Variants in ARRDC2 observed in about 807,000 individuals in gnomAD.
The protein encoded by ARRDC2 is arrestin domain containing 2.
Under a neutral mutation model 38.9 loss-of-function variants are expected in ARRDC2, and 39 were observed. The observed-to-expected ratio is 1.00, with a 90% CI of 0.78 to 1.31. The LOEUF (loss-of-function observed/expected upper bound fraction) is 1.31. Ranked by LOEUF, ARRDC2 falls within the 50% of genes most tolerant of loss-of-function variation. ARRDC2 has a pLI of 0.00. For synonymous variants in ARRDC2, 300 were observed against 261.9 expected (o/e 1.15, Z -1.41); for missense variants, 553 against 588.4 (o/e 0.94, Z 0.62).
chr19:18,008,120 C>CCCCCCCCCCCCCCCCCCCCCAAAAAAAAA, upstream of ARRDC2: 1 of 572,700 alleles, frequency 1.7e-6, no homozygotes, highest in Non-Finnish European at 2.6e-6. Context: ...ACGGTGACCC[C>CCCCCCCCCCCCCCCCCCCCCAAAAAAAAA]ACCCCCCCCC....
upstream of ARRDC2, among the ~76,000 whole-genome samples, chr19:18,005,057 G>A (rs1170246562): frequency 6.6e-6 from 1 of 151,848 alleles, no homozygotes; most frequent in African/African-American, 2.4e-5. Flanking sequence ...GTTTCTTGCA[G>A]AGGGGGATTT....
Position 18,008,181 on chromosome 19 carries a change from C to A in ARRDC2, c.-130C>A, listed in dbSNP as rs1278303250. On this transcript the variant is annotated 5_prime_UTR_variant, in exon 1 of 8. Transcript: ENST00000222250. Reference sequence around the variant, plus strand: ...ACGCACGGCGCGGGGATTTTCTGCTCCGGTTGGTGAGCGCGCCTGCGCGTT... The same window carrying A: ...ACGCACGGCGCGGGGATTTTCTGCTACGGTTGGTGAGCGCGCCTGCGCGTT... The A allele has an allele frequency of 4.0e-6, 5 of 1,244,090 alleles. No homozygotes were observed. Among genetic ancestry groups the A allele is most frequent in the Admixed American group, 3.7e-5 (1 of 27,210 alleles). 77.1% of individuals were successfully genotyped at this position (1,244,090 alleles called of 1,614,324 possible).
At chr19:18,008,163 G>A, upstream of ARRDC2, 2 of 1,196,692 alleles carry the variant, frequency 1.7e-6, no homozygotes, top group East Asian at 7.7e-5. Context: ...CCGACGCACG[G>A]CGCGGGGATT....
chr19:18,011,949 TA>T (rs1180977965), intron 7 of ARRDC2, among the ~76,000 whole-genome samples: 647 of 53,742 alleles, frequency 0.012, 8 homozygotes, highest in African/African-American at 0.045. Flanking sequence ...TATATATATA[TA>T]TATTTTTTTT....
chr19:18,011,333 T>C (rs2033407931), intron 7 of ARRDC2, among the ~76,000 whole-genome samples: 1 of 151,996 alleles, frequency 6.6e-6, no homozygotes, highest in African/African-American at 2.4e-5. Context: ...GGTCTCACTG[T>C]GTTGCCCAGG....
At chr19:18,006,375 G>A (rs557490336), upstream of ARRDC2, among the ~76,000 whole-genome samples, 2 of 152,316 alleles carry the variant, frequency 1.3e-5, no homozygotes, top group East Asian at 1.9e-4. Flanking sequence ...CTGCAATCCC[G>A]GCACCTCGGG....
chr19:18,004,238 G>A (rs1405954238), upstream of ARRDC2, among the ~76,000 whole-genome samples: 8 of 144,398 alleles, frequency 5.5e-5, no homozygotes, highest in Admixed American at 6.8e-5. Flanking sequence ...AAAATTAGCC[G>A]GGCTAACTTT....
At chr19:18,010,843 C>G (rs984634343) in intron 7 of ARRDC2, 114 bp downstream of exon 7, 2 of 1,154,104 alleles carry the variant, frequency 1.7e-6, no homozygotes, top group African/African-American at 3.1e-5. Context: ...TAGACAGGGT[C>G]TTGCTCTGTC....
chr19:18,011,928 ATATGTG>A (rs1219108676), intron 7 of ARRDC2, among the ~76,000 whole-genome samples: 5 of 94,920 alleles, frequency 5.3e-5, no homozygotes, highest in African/African-American at 1.8e-4. Context: ...TTGTGTGTGT[ATATGTG>A]TATATATATA....
At chr19:18,003,434 CTTTTTGTT>C (rs1249150165), upstream of ARRDC2, among the ~76,000 whole-genome samples, 19 of 131,666 alleles carry the variant, frequency 1.4e-4, no homozygotes, top group African/African-American at 6.2e-4. Flanking sequence ...ACCCGGCTAA[CTTTTTGTT>C]TTGTTTTGTT....
intron 7 of ARRDC2, among the ~76,000 whole-genome samples, chr19:18,011,543 A>G (rs997810541): frequency 5.9e-5 from 9 of 152,202 alleles, no homozygotes; most frequent in Admixed American, 4.6e-4. Context: ...ACATTTGAAA[A>G]ATAAATACAT....
chr19:18,009,925 CGAGCCGGTGG>C lies in ARRDC2; in HGVS notation c.737_746del (p.Glu246AlafsTer53). On this transcript the variant is annotated frameshift_variant, in exon 5 of 8. Transcript: ENST00000222250. LOFTEE classifies it high-confidence loss of function. The stretch of plus-strand genomic sequence containing the variant: ...GGGCAGTGGTGGCCAGCCTCGCGGG[CGAGCCGGTGG>C]GCCCCGGGCAGCGGGCGCTGTGGCA... The C allele has an allele frequency of 6.2e-7, 1 of 1,603,638 alleles. No individual in the cohort carries two copies. The highest frequency in any genetic ancestry group is 1.1e-5 in the South Asian group (1 of 90,894).
intron 7 of ARRDC2, among the ~76,000 whole-genome samples, chr19:18,012,118 C>T (rs957431397): frequency 1.3e-4 from 20 of 150,756 alleles, no homozygotes; most frequent in African/African-American, 4.8e-4. Flanking sequence ...CCACCATGCC[C>T]AGCTAATTTT....
chr19:18,011,501 A>T (rs942424332), intron 7 of ARRDC2, among the ~76,000 whole-genome samples: 2 of 152,158 alleles, frequency 1.3e-5, no homozygotes, highest in Non-Finnish European at 2.9e-5. Flanking sequence ...GCTGGTTTGG[A>T]ATCTGCAGAT....
In ARRDC2 at chr19:18,013,645, C is replaced by G. The variant is rs949476950; in HGVS notation, c.*679C>G. The G allele has an allele frequency of 6.6e-6, 1 of 152,190 alleles. No homozygotes were observed. The highest frequency in any genetic ancestry group is 1.5e-5 in the Non-Finnish European group (1 of 68,088). 9.4% of individuals were successfully genotyped at this position (152,190 alleles called of 1,614,324 possible). ...TGGGTGGCAGGGGCAGCCGCTCCAG[C>G]CTTTGAAGACTTTGAAAGCCAGAGA... is the stretch of plus-strand genomic sequence containing the variant. On this transcript the variant is annotated 3_prime_UTR_variant, in exon 8 of 8. Coordinates refer to ENST00000222250, the MANE Select transcript of ARRDC2 (RefSeq NM_015683.2).
chr19:18,010,476 C>G, intron 6 of ARRDC2, 96 bp from the exon 7 acceptor site: 1 of 1,555,934 alleles, frequency 6.4e-7, no homozygotes, highest in Non-Finnish European at 8.7e-7. Context: ...TACAGCCTGG[C>G]AGCCCCAGAG....
chr19:18,002,714 C>T (rs1422851983), intron 1 of ARRDC2, among the ~76,000 whole-genome samples: 1 of 152,170 alleles, frequency 6.6e-6, no homozygotes, highest in African/African-American at 2.4e-5. Context: ...GGAAGGGGCC[C>T]AGGAGGCACT....
chr19:18,005,769 A>AC (rs936052145), upstream of ARRDC2, among the ~76,000 whole-genome samples: 14 of 137,990 alleles, frequency 1.0e-4, no homozygotes, highest in South Asian at 2.3e-4. Context: ...GCGGGGGCTG[A>AC]CCCCCCACCT....
At chr19:18,004,242 TAA>T (rs1302881402), upstream of ARRDC2, among the ~76,000 whole-genome samples, 2 of 135,132 alleles carry the variant, frequency 1.5e-5, no homozygotes, top group Non-Finnish European at 3.1e-5. Flanking sequence ...TTAGCCGGGC[TAA>T]CTTTTTTTTT....
Sources: gnomAD v4.1 joint callset for allele counts (sites outside exome capture counted in the v4.1 genomes callset) on GRCh38, gnomAD v4.1.1 for gene constraint, MANE v1.5 for transcripts, NCBI Gene and HGNC (gene_info 2026-07-23, HGNC 2026-07-21) for gene names.